The following CNPPD1 variants were observed in gnomAD, a reference collection of about 807,000 sequenced individuals.
The protein encoded by CNPPD1 is cyclin Pas1/PHO80 domain containing 1, also known as protein CNPPD1.
CNPPD1 carries 40 observed loss-of-function variants against 43.7 expected under a neutral mutation model. The observed-to-expected ratio is 0.92, with a 90% confidence interval of 0.71 to 1.19. The LOEUF is 1.19. Among genes scored for constraint, CNPPD1 ranks in the 50% most tolerant of loss-of-function variants. The pLI is 0.00. For missense variants in CNPPD1, 511 were observed against 518.5 expected, an observed-to-expected ratio of 0.99 and a Z score of 0.14; for synonymous variants, 208 against 214.3, an observed-to-expected ratio of 0.97 and a Z score of 0.26.
chr2:219,174,675 A>G, intron 5 of CNPPD1, 103 bp downstream of exon 5: 1 of 1,455,726 alleles, frequency 6.9e-7, no homozygotes, highest in East Asian at 2.3e-5. Context: ...GGAGGACAGG[A>G]AGAGAAATGA....
At chr2:219,177,550 T>G (rs995405438), upstream of CNPPD1, 12 of 139,962 alleles carry the variant, frequency 8.6e-5, no homozygotes, top group African/African-American at 2.8e-4. Flanking sequence ...ACTCAGGGTG[T>G]TTTTTTTTTT....
At chr2:219,176,623 G>T in intron 1 of CNPPD1, 137 bp downstream of exon 1, 1 of 712,678 alleles carries the variant, frequency 1.4e-6, no homozygotes. Flanking sequence ...CCCGGCCCAA[G>T]CAGCCGCGGC....
intron 6 of CNPPD1, 118 bp from the exon 7 acceptor site, chr2:219,173,585 C>T: frequency 1.4e-6 from 1 of 691,286 alleles, no homozygotes; most frequent in Non-Finnish European, 2.5e-6. Flanking sequence ...ACCCAGATTC[C>T]TAGGCTATCT....
At position 219,172,440 on chromosome 2, in the gene CNPPD1, C is replaced by G; in HGVS notation, c.*146G>C. ...TAGGAGTGAATTACCTTCAGTCCTT[C>G]TGCCCCACCACCCCATAAGCTCCCA... is the stretch of plus-strand genomic sequence containing the variant. On this transcript the variant is annotated 3_prime_UTR_variant, in exon 8 of 8. Coordinates refer to ENST00000360507, the MANE Select transcript of CNPPD1 (RefSeq NM_015680.6). The G allele has an allele frequency of 1.2e-6, 1 of 835,574 alleles. No individual in the cohort carries two copies. Among genetic ancestry groups the G allele is most frequent in the Non-Finnish European group, 1.9e-6 (1 of 515,478 alleles). 51.8% of individuals were successfully genotyped at this position (835,574 alleles called of 1,614,324 possible). A position where few individuals can be genotyped will look rare whatever the true frequency, so the allele number is the denominator to read the frequency against.
intron 6 of CNPPD1, 86 bp from the exon 7 acceptor site, chr2:219,173,553 G>A: frequency 2.7e-6 from 3 of 1,123,990 alleles, no homozygotes; most frequent in Non-Finnish European, 3.9e-6. Context: ...GACCCACCAG[G>A]AAACACTGGG....
At chr2:219,174,705 G>C (rs535094419) in intron 5 of CNPPD1, 73 bp downstream of exon 5, 49 of 1,512,082 alleles carry the variant, frequency 3.2e-5, no homozygotes, top group South Asian at 1.1e-4. Flanking sequence ...AGAAGACTGA[G>C]AGAGAACAAA....
At chr2:219,174,322 T>C in intron 5 of CNPPD1, 115 bp from the exon 6 acceptor site, 2 of 1,021,352 alleles carry the variant, frequency 2.0e-6, no homozygotes, top group Non-Finnish European at 3.1e-6. Flanking sequence ...ATTTGGCACT[T>C]ACCATGTGCC....
Position 219,173,357 on chromosome 2 carries a change from A to G in CNPPD1, c.683T>C (p.Leu228Pro). Residue 228 changes from leucine (L) to proline (P), a missense_variant, in exon 7 of 8, where the codon CTG becomes CCG. Physicochemically the swap from Leu to Pro is moderately conservative, Grantham distance 98 (BLOSUM62 -3). Coordinates refer to ENST00000360507, the MANE Select transcript of CNPPD1 (RefSeq NM_015680.6). ...QLALGSLCQR[L>P]VKLSCLLAVA... is the part of the protein sequence containing the mutation. ...TTCCGAGCCCCTCCTCACCTTTACC[A>G]GCCGCTGGCAGAGGGAGCCCAGGGC... The G allele has an allele frequency of 6.2e-7, 1 of 1,613,018 alleles. No homozygotes were observed. The highest frequency in any genetic ancestry group is 8.5e-7 in the Non-Finnish European group (1 of 1,179,610).
chr2:219,175,233 G>T, intron 3 of CNPPD1, 125 bp from the exon 4 acceptor site: 1 of 1,256,262 alleles, frequency 8.0e-7, no homozygotes, highest in Non-Finnish European at 1.1e-6. Context: ...GGGCACGGTG[G>T]CTCATGTCTG....
chr2:219,175,494 CAAAA>C (rs368784782), intron 3 of CNPPD1, 93 bp downstream of exon 3: 38 of 949,040 alleles, frequency 4.0e-5, no homozygotes, highest in Admixed American at 7.6e-5. Flanking sequence ...GAGACTGTCT[CAAAA>C]AAAAAAAAAA....
upstream of CNPPD1, chr2:219,177,103 C>A: frequency 2.6e-6 from 1 of 382,412 alleles, no homozygotes; most frequent in South Asian, 6.7e-5. Flanking sequence ...GCGACGCTCA[C>A]CTCGCGGAGC....
At chr2:219,173,298 AC>A in intron 7 of CNPPD1, 51 bp downstream of exon 7, 9 of 1,538,298 alleles carry the variant, frequency 5.9e-6, no homozygotes, top group Non-Finnish European at 7.2e-6. Flanking sequence ...ACACCATCCC[AC>A]CCTACACACC....
chr2:219,174,092 G>A, intron 6 of CNPPD1, 54 bp downstream of exon 6: 2 of 1,538,586 alleles, frequency 1.3e-6, no homozygotes, highest in Admixed American at 1.7e-5. Flanking sequence ...TCCTATGGCT[G>A]AGGACTCAGC....
upstream of CNPPD1, chr2:219,177,295 GGCC>G (rs1950191318): frequency 9.1e-6 from 1 of 109,816 alleles, no homozygotes; most frequent in Non-Finnish European, 1.9e-5. Context: ...CACGGAACGT[GGCC>G]AAGCCCCAGG....
At position 219,174,216 on chromosome 2, in the gene CNPPD1, A is replaced by T. The variant is rs1950122089; in HGVS notation, c.511-9T>A. On this transcript the variant is annotated splice_polypyrimidine_tract_variant and intron_variant, in intron 5 of 7. Coordinates refer to ENST00000360507, the MANE Select transcript of CNPPD1 (RefSeq NM_015680.6). Reference sequence around the variant, plus strand: ...GTGTAGAGATGCCAATCCTGTGAGTACGGAGAGTGGACATCAAACCAGACT... The same window carrying T: ...GTGTAGAGATGCCAATCCTGTGAGTTCGGAGAGTGGACATCAAACCAGACT... 3.7e-6 allele frequency: 6 copies of T among 1,614,034 alleles called. No individual in the cohort carries two copies. The South Asian group carries it at 4.4e-5, about 12-fold the overall frequency.
intron 1 of CNPPD1, 85 bp downstream of exon 1, chr2:219,176,675 C>A: frequency 9.2e-7 from 1 of 1,081,254 alleles, no homozygotes; most frequent in Admixed American, 2.2e-5. Context: ...CCAGTCCCGG[C>A]ACAGCAGTCA....
At position 219,172,818 on chromosome 2, in the gene CNPPD1, T is replaced by C. The variant is rs1411382937; in HGVS notation, c.1001A>G (p.His334Arg). ...PDPPAPPTLL[H>R]NCHLCQKLQR... ...GAGCTTCTGGCAAAGGTGGCAGTTA[T>C]GAAGAAGAGTGGGAGGGGCAGGGGG... is the stretch of plus-strand genomic sequence containing the variant. The change falls in exon 8 of 8, where the codon CAT becomes CGT. Residue 334 changes from histidine (H) to arginine (R), a missense_variant. Coordinates refer to ENST00000360507, the MANE Select transcript of CNPPD1 (RefSeq NM_015680.6). 1.9e-6 allele frequency: 3 copies of C among 1,589,136 alleles called. No homozygotes were observed. The highest frequency in any genetic ancestry group is 2.6e-6 in the Non-Finnish European group (3 of 1,168,596).
intron 6 of CNPPD1, 101 bp downstream of exon 6, chr2:219,174,045 C>T: frequency 1.1e-5 from 12 of 1,133,110 alleles, no homozygotes; most frequent in Non-Finnish European, 1.6e-5. Flanking sequence ...TTTCTTGTCT[C>T]CTCCCTCCCC....
At chr2:219,175,197 T>C in intron 3 of CNPPD1, 89 bp from the exon 4 acceptor site, 7 of 1,466,634 alleles carry the variant, frequency 4.8e-6, no homozygotes, top group South Asian at 2.8e-5. Flanking sequence ...TTACCTCTTA[T>C]CTTTGGAAAA....
Sources: gnomAD v4.1 joint callset for allele counts on GRCh38, gnomAD v4.1.1 for gene constraint, MANE v1.5 for transcripts, NCBI Gene and HGNC (gene_info 2026-07-23, HGNC 2026-07-21) for gene names.